PLCB4: variants seen among roughly 807,000 people sequenced by gnomAD.
The protein encoded by PLCB4 is 1-phosphatidylinositol 4,5-bisphosphate phosphodiesterase beta-4.
A neutral mutation model predicts 178.8 loss-of-function variants in PLCB4; 77 were observed. The observed-to-expected ratio is 0.43, with a 90% CI of 0.36 to 0.52. The LOEUF is 0.52. Among genes scored for constraint, PLCB4 ranks in the 20% least tolerant of loss-of-function variants. The pLI, the probability that PLCB4 is intolerant of heterozygous loss-of-function variation, is 0.00. For missense variants in PLCB4, 1,024 were observed against 1,453.4 expected (o/e 0.70, Z 4.80); for synonymous variants, 496 against 490.8 (o/e 1.01, Z -0.14).
chr20:9,077,378 T>G (rs1401716570), intron 1 of PLCB4, among the ~76,000 whole-genome samples: 1 of 152,196 alleles, frequency 6.6e-6, no homozygotes, highest in Non-Finnish European at 1.5e-5. Flanking sequence ...ATGAATTGCC[T>G]TTAAAAAAGG....
intron 1 of PLCB4, among the ~76,000 whole-genome samples, chr20:9,074,565 CACTT>C (rs764680860): frequency 2.0e-5 from 3 of 152,104 alleles, no homozygotes; most frequent in East Asian, 1.9e-4. Context: ...TTACAAGGGA[CACTT>C]ACTTTGCCAC....
chr20:9,340,685 C>T (rs186659751), intron 7 of PLCB4, among the ~76,000 whole-genome samples: 97 of 152,240 alleles, frequency 6.4e-4, no homozygotes, highest in African/African-American at 2.3e-3. Context: ...AGTATTGGGG[C>T]TTTGGGGCCA....
intron 3 of PLCB4, among the ~76,000 whole-genome samples, chr20:9,305,290 T>A (rs2094752916): frequency 6.6e-6 from 1 of 152,130 alleles, no homozygotes; most frequent in Non-Finnish European, 1.5e-5. Context: ...CCCCTGCTAA[T>A]CATTTGGGAG....
chr20:9,120,050 C>G (rs144475291), intron 2 of PLCB4, among the ~76,000 whole-genome samples: 1 of 152,168 alleles, frequency 6.6e-6, no homozygotes, highest in African/African-American at 2.4e-5. Flanking sequence ...GGCAGCCAGT[C>G]TGCCTCGGGC....
intron 2 of PLCB4, among the ~76,000 whole-genome samples, chr20:9,147,009 G>GAC (rs1411620045): frequency 2.0e-5 from 3 of 152,124 alleles, no homozygotes; most frequent in Non-Finnish European, 2.9e-5. Context: ...CTCTTAAGGT[G>GAC]TTTTGTTAAT....
intron 4 of PLCB4, among the ~76,000 whole-genome samples, chr20:9,311,235 T>C (rs1333767411): frequency 1.3e-5 from 2 of 152,212 alleles, no homozygotes; most frequent in Non-Finnish European, 2.9e-5. Context: ...CTTTTGATGA[T>C]GACTTATGTC....
chr20:9,079,356 T>C (rs1418636118), intron 1 of PLCB4, among the ~76,000 whole-genome samples: 1 of 152,058 alleles, frequency 6.6e-6, no homozygotes, highest in Non-Finnish European at 1.5e-5. Context: ...GACCCAGCAG[T>C]GACGGGGAGT....
intron 3 of PLCB4, among the ~76,000 whole-genome samples, chr20:9,217,659 C>T (rs2093748093): frequency 6.6e-6 from 1 of 152,214 alleles, no homozygotes; most frequent in African/African-American, 2.4e-5. Flanking sequence ...TCACTACTAA[C>T]CTTGGGCACT....
Position 9,340,542 on chromosome 20 carries a change from C to T in PLCB4, c.369+1505C>T, listed in dbSNP as rs539741619. Among the ~76,000 whole-genome samples, 4 of 152,220 alleles carry T rather than the reference C, an allele frequency of 2.6e-5. No homozygotes were observed. In the South Asian group the frequency reaches 6.2e-4, roughly 24 times the overall value. On this transcript the variant is annotated intron_variant, in intron 7 of 39. Transcript: ENST00000378473. ...CCTTATTGTGGTGGTTTTATGCTATCGTTCAGGTCACCTCACTTTGGGAGA... is the reference window on the plus strand; with the variant it reads ...CCTTATTGTGGTGGTTTTATGCTATTGTTCAGGTCACCTCACTTTGGGAGA...
chr20:9,399,025 C>A (rs6140931), intron 19 of PLCB4, among the ~76,000 whole-genome samples: 7 of 151,876 alleles, frequency 4.6e-5, no homozygotes, highest in African/African-American at 1.7e-4. Flanking sequence ...AAGAATAGAA[C>A]GAATGAAAGT....
At chr20:9,363,188 G>C (rs1190966393) in intron 8 of PLCB4, among the ~76,000 whole-genome samples, 2 of 152,186 alleles carry the variant, frequency 1.3e-5, no homozygotes, top group African/African-American at 2.4e-5. Context: ...TATATGAAAA[G>C]AATAGTTGAT....
chr20:9,318,361 G>A (rs6086839), intron 4 of PLCB4, among the ~76,000 whole-genome samples: 7,470 of 151,984 alleles, frequency 0.049, 259 homozygotes, highest in Non-Finnish European at 0.077. Context: ...TCGCTTCTGG[G>A]TGGGGCCATA....
At chr20:9,380,241 A>G (rs764700122) in intron 13 of PLCB4, 79 bp downstream of exon 13, 2 of 717,252 alleles carry the variant, frequency 2.8e-6, no homozygotes, top group Non-Finnish European at 4.7e-6. Flanking sequence ...ATTTAAAGGT[A>G]TCTGTAAATG....
At chr20:9,135,718 T>G (rs1238861732) in intron 2 of PLCB4, among the ~76,000 whole-genome samples, 1 of 152,122 alleles carries the variant, frequency 6.6e-6, no homozygotes, top group African/African-American at 2.4e-5. Context: ...TAATAGCCAT[T>G]TGGTTAATAA....
At chr20:9,400,753 C>T (rs1568741542) in intron 19 of PLCB4, among the ~76,000 whole-genome samples, 3 of 152,064 alleles carry the variant, frequency 2.0e-5, no homozygotes, top group African/African-American at 7.2e-5. Context: ...GCAGGTACTT[C>T]TTTTTTTTCC....
At chr20:9,284,383 A>G (rs2094519403) in intron 3 of PLCB4, among the ~76,000 whole-genome samples, 1 of 151,998 alleles carries the variant, frequency 6.6e-6, no homozygotes, top group Non-Finnish European at 1.5e-5. Context: ...GTTAGAGTCA[A>G]GTGAGCATGG....
intron 18 of PLCB4, 129 bp from the exon 19 acceptor site, chr20:9,395,394 T>C (rs969286702): frequency 3.1e-6 from 2 of 644,952 alleles, no homozygotes; most frequent in Non-Finnish European, 5.6e-6. Flanking sequence ...CTTAGAAACA[T>C]GGTGCCTTGG....
chr20:9,424,106 C>T (rs1308687025), intron 28 of PLCB4, among the ~76,000 whole-genome samples, 154 bp downstream of exon 28: 1 of 152,150 alleles, frequency 6.6e-6, no homozygotes, highest in Non-Finnish European at 1.5e-5. Flanking sequence ...ATCAAGAATA[C>T]ATCATAACCT....
chr20:9,168,726 C>A (rs1449850700), intron 2 of PLCB4, among the ~76,000 whole-genome samples: 2 of 152,134 alleles, frequency 1.3e-5, no homozygotes, highest in Non-Finnish European at 2.9e-5. Flanking sequence ...AGTCAGTTTG[C>A]GAAGCTCATG....
Sources: gnomAD v4.1 joint callset for allele counts (sites outside exome capture counted in the v4.1 genomes callset) on GRCh38, gnomAD v4.1.1 for gene constraint, MANE v1.5 for transcripts, NCBI Gene and HGNC (gene_info 2026-07-23, HGNC 2026-07-21) for gene names.